Variants in AGBL4 observed in about 807,000 individuals in gnomAD.
The protein encoded by AGBL4 is AGBL carboxypeptidase 4.
A neutral mutation model predicts 66.4 loss-of-function variants in AGBL4; 58 were observed. The ratio of observed to expected loss-of-function variants is 0.87; its 90% CI spans 0.71 to 1.09. AGBL4 has a LOEUF of 1.09. Among genes scored for constraint, AGBL4 ranks in the 50% least tolerant of loss-of-function variants. The probability of loss-of-function intolerance (pLI) is 0.00; values close to 1 mark genes in which losing one functional copy is unlikely to be tolerated. For missense variants in AGBL4, 579 were observed against 631.0 expected (o/e 0.92, Z 0.88); for synonymous variants, 234 against 222.9 (o/e 1.05, Z -0.44).
intron 6 of AGBL4, among the ~76,000 whole-genome samples, chr1:48,725,064 G>A (rs1189461535): frequency 6.6e-6 from 1 of 152,170 alleles, no homozygotes; most frequent in African/African-American, 2.4e-5. Context: ...TGGCCATGAA[G>A]AGGAATTCTA....
intron 3 of AGBL4, among the ~76,000 whole-genome samples, chr1:49,494,205 G>T (rs537318323): frequency 6.6e-6 from 1 of 151,866 alleles, no homozygotes; most frequent in Non-Finnish European, 1.5e-5. Flanking sequence ...TAGGGTATAT[G>T]AGCTATGACT....
chr1:49,459,961 A>C (rs989657386), intron 3 of AGBL4, among the ~76,000 whole-genome samples: 5 of 151,364 alleles, frequency 3.3e-5, no homozygotes, highest in African/African-American at 1.2e-4. Flanking sequence ...ATTTTATTGC[A>C]CTGTGGTCTG....
At chr1:49,893,175 C>T (rs1302976613) in intron 1 of AGBL4, among the ~76,000 whole-genome samples, 1 of 152,106 alleles carries the variant, frequency 6.6e-6, no homozygotes, top group Non-Finnish European at 1.5e-5. Context: ...CATTGTTATA[C>T]CCAGCTATAT....
rs546326623 is a variant in AGBL4, at chr1:49,201,012, A to G, written c.377+44758T>C. On this transcript the variant is annotated intron_variant, in intron 4 of 13. Transcript: ENST00000371839. ...TCATTAACATACAAAAGGCACTCTTATTCTTATTGCCCCAGATAGTCCAAC... is the reference window on the plus strand; with the variant it reads ...TCATTAACATACAAAAGGCACTCTTGTTCTTATTGCCCCAGATAGTCCAAC... Among the ~76,000 whole-genome samples the G allele has an allele frequency of 1.8e-4, 27 of 152,284 alleles. 2 individuals carry two copies. In the South Asian group the frequency reaches 5.6e-3, roughly 32 times the overall value.
chr1:48,915,297 T>C (rs1263490230), intron 5 of AGBL4, among the ~76,000 whole-genome samples: 1 of 152,220 alleles, frequency 6.6e-6, no homozygotes, highest in Non-Finnish European at 1.5e-5. Context: ...TCACCTTTTC[T>C]GTTGCTGGTG....
intron 3 of AGBL4, among the ~76,000 whole-genome samples, chr1:49,598,536 C>T (rs1468290597): frequency 1.3e-5 from 2 of 152,168 alleles, no homozygotes; most frequent in Non-Finnish European, 2.9e-5. Context: ...AGCGGATTTT[C>T]GTGAACCGCG....
intron 5 of AGBL4, among the ~76,000 whole-genome samples, chr1:48,924,746 T>A (rs2148895854): frequency 6.6e-6 from 1 of 152,248 alleles, no homozygotes; most frequent in East Asian, 1.9e-4. Context: ...GACTCGTGTA[T>A]GAGGTCATGT....
At chr1:49,070,549 T>C (rs763016119) in intron 4 of AGBL4, among the ~76,000 whole-genome samples, 3 of 152,054 alleles carry the variant, frequency 2.0e-5, no homozygotes, top group African/African-American at 4.8e-5. Context: ...GATTTGCATA[T>C]GTTGAACCAG....
chr1:49,519,247 G>A (rs1230667051), intron 3 of AGBL4, among the ~76,000 whole-genome samples: 2 of 151,830 alleles, frequency 1.3e-5, no homozygotes, highest in Non-Finnish European at 2.9e-5. Flanking sequence ...GAATGATATT[G>A]GTTTTTTATT....
chr1:49,607,686 G>A lies in AGBL4; in HGVS notation c.282+89627C>T, dbSNP rs116713640. On this transcript the variant is annotated intron_variant, in intron 3 of 13. Transcript: ENST00000371839. ...CTTTAGTCTATACAGCAAGACTACG[G>A]TCTCCTTAAAGTCAAGATCAGCTGG... 6.9e-3 allele frequency among the ~76,000 whole-genome samples: 1,047 copies of A among 152,130 alleles called. 17 individuals are homozygous for A. The highest frequency in any genetic ancestry group is 0.024 in the African/African-American group (1,014 of 41,504).
intron 1 of AGBL4, among the ~76,000 whole-genome samples, chr1:49,919,962 A>G (rs1190301314): frequency 3.9e-5 from 6 of 152,230 alleles, no homozygotes; most frequent in Admixed American, 3.9e-4. Flanking sequence ...GATCTTTGAC[A>G]AACCTGACAA....
intron 3 of AGBL4, among the ~76,000 whole-genome samples, chr1:49,587,261 GAAAGAAAAGAAAAAAGA>G (rs1458350652): frequency 2.9e-5 from 4 of 139,424 alleles, no homozygotes; most frequent in Non-Finnish European, 6.4e-5. Flanking sequence ...CAGAAGAAAA[GAAAGAAAAGAAAAAAGA>G]AAAGAAAAGA....
chr1:49,619,524 C>T (rs1440625758), intron 3 of AGBL4, among the ~76,000 whole-genome samples: 3 of 152,032 alleles, frequency 2.0e-5, no homozygotes, highest in Admixed American at 6.6e-5. Context: ...GAATCAATAT[C>T]GTGAAAATGG....
chr1:49,510,845 T>C (rs1008234297), intron 3 of AGBL4, among the ~76,000 whole-genome samples: 1 of 150,124 alleles, frequency 6.7e-6, no homozygotes, highest in African/African-American at 2.5e-5. Context: ...TAGGGAATCC[T>C]TTCCCCATTG....
At chr1:49,835,858 T>C (rs1002261985) in intron 2 of AGBL4, among the ~76,000 whole-genome samples, 3 of 152,196 alleles carry the variant, frequency 2.0e-5, no homozygotes, top group Non-Finnish European at 4.4e-5. Context: ...TATGAAATTC[T>C]GGGTTAAAAA....
intron 3 of AGBL4, among the ~76,000 whole-genome samples, chr1:49,355,292 T>A (rs1262054771): frequency 6.6e-6 from 1 of 152,194 alleles, no homozygotes; most frequent in Non-Finnish European, 1.5e-5. Context: ...TTATAAATAT[T>A]AGCAAATGGA....
chr1:49,017,636 C>A (rs1266483826), intron 5 of AGBL4, among the ~76,000 whole-genome samples: 1 of 152,176 alleles, frequency 6.6e-6, no homozygotes, highest in African/African-American at 2.4e-5. Flanking sequence ...CACCTTACAA[C>A]TAAACTTTAG....
At chr1:49,668,044 A>C (rs995780627) in intron 3 of AGBL4, among the ~76,000 whole-genome samples, 2 of 152,188 alleles carry the variant, frequency 1.3e-5, no homozygotes, top group African/African-American at 4.8e-5. Context: ...AGCCCAGTTT[A>C]GGGATTCAAT....
At chr1:48,682,288 T>A (rs1646467486) in intron 6 of AGBL4, among the ~76,000 whole-genome samples, 1 of 152,242 alleles carries the variant, frequency 6.6e-6, no homozygotes, top group African/African-American at 2.4e-5. Context: ...GGCCAGGGAC[T>A]TAGGCTTTCA....
Sources: allele counts gnomAD v4.1 joint callset (sites outside exome capture counted in the v4.1 genomes callset), GRCh38; gene constraint gnomAD v4.1.1; transcripts MANE v1.5; gene names NCBI Gene and HGNC (gene_info 2026-07-23, HGNC 2026-07-21).